The following TSC22D3 variants were observed in gnomAD, a reference collection of about 807,000 sequenced individuals.
The protein encoded by TSC22D3 is TSC22 domain family protein 3.
Under a neutral mutation model 11.1 loss-of-function variants are expected in TSC22D3, and 4 were observed. That is an observed-to-expected ratio of 0.36 (90% CI 0.18 to 0.83). TSC22D3 has a LOEUF of 0.83. Among genes scored for constraint, TSC22D3 ranks in the 40% least tolerant of loss-of-function variants. The pLI is 0.48. For missense variants in TSC22D3, 118 were observed against 159.4 expected (o/e 0.74, Z 1.40); for synonymous variants, 77 against 70.3 (o/e 1.10, Z -0.48).
intron 1 of TSC22D3, among the ~76,000 whole-genome samples, chrX:107,755,901 A>G (rs914170488): frequency 1.8e-5 from 2 of 111,971 alleles, no homozygotes; most frequent in East Asian, 5.6e-4. Context: ...CTATTTCCCC[A>G]TGTCTGCCAG....
At chrX:107,719,327 G>A (rs1022741599) in intron 1 of TSC22D3, among the ~76,000 whole-genome samples, 3 of 112,119 alleles carry the variant, frequency 2.7e-5, no homozygotes, top group African/African-American at 6.5e-5. Flanking sequence ...ATTTGTCTAC[G>A]GCCATACCAC....
intron 1 of TSC22D3, among the ~76,000 whole-genome samples, chrX:107,738,528 C>A (rs962223763): frequency 2.7e-5 from 3 of 113,017 alleles, no homozygotes; most frequent in Admixed American, 9.3e-5. Context: ...TCCTCTCTTG[C>A]CCTTTGTGCC....
intron 1 of TSC22D3, among the ~76,000 whole-genome samples, chrX:107,755,170 G>A (rs183247142): frequency 3.6e-5 from 4 of 112,624 alleles, no homozygotes; most frequent in Non-Finnish European, 5.6e-5. Flanking sequence ...AAGTAAGACC[G>A]ACAAGGGATG....
chrX:107,731,737 G>A (rs1389367410), intron 1 of TSC22D3, among the ~76,000 whole-genome samples: 5 of 110,730 alleles, frequency 4.5e-5, no homozygotes, highest in East Asian at 2.9e-4. Context: ...TCAGGCCCTC[G>A]TCCTCAGGAC....
intron 1 of TSC22D3, among the ~76,000 whole-genome samples, chrX:107,720,149 A>G (rs1221033660): frequency 9.2e-6 from 1 of 109,197 alleles, no homozygotes; most frequent in Non-Finnish European, 1.9e-5. Context: ...TCCAGCTTTT[A>G]GGAAAATGAG....
chrX:107,772,518 G>A (rs763008084), intron 1 of TSC22D3, among the ~76,000 whole-genome samples: 73 of 111,055 alleles, frequency 6.6e-4, no homozygotes, highest in Non-Finnish European at 1.2e-3. Flanking sequence ...AACCTAAACC[G>A]AATTCAGAAT....
At chrX:107,730,129 G>C (rs59987863) in intron 1 of TSC22D3, among the ~76,000 whole-genome samples, 2 of 112,228 alleles carry the variant, frequency 1.8e-5, no homozygotes, top group Admixed American at 1.9e-4. Flanking sequence ...TCTTGTCAAC[G>C]CTGTTAGGAG....
chrX:107,735,605 G>A (rs1928097492), intron 1 of TSC22D3, among the ~76,000 whole-genome samples: 1 of 110,567 alleles, frequency 9.0e-6, no homozygotes, highest in Non-Finnish European at 1.9e-5. Flanking sequence ...CTCCTCACTG[G>A]CATGCCCTCC....
intron 1 of TSC22D3, among the ~76,000 whole-genome samples, chrX:107,771,089 A>T (rs1382104130): frequency 8.9e-6 from 1 of 112,145 alleles, no homozygotes. Flanking sequence ...AAAGGTTCTG[A>T]GCTCACATTT....
At chrX:107,730,303 T>C in intron 1 of TSC22D3, among the ~76,000 whole-genome samples, 1 of 111,840 alleles carries the variant, frequency 8.9e-6, no homozygotes, top group East Asian at 2.8e-4. Context: ...GCTGGAGTTG[T>C]GCTTTGTTTT....
In TSC22D3 at chrX:107,713,936, G is replaced by A. The variant is rs955484309; in HGVS notation, c.*583C>T. On this transcript the variant is annotated 3_prime_UTR_variant, in exon 3 of 3. Transcript: ENST00000372383. ...ACTAACCAAACAGAACTTTGTAAGC[G>A]GTCATCCCAAAGCTGTAATCCCACA... 1.3e-4 allele frequency: 15 copies of A among 112,776 alleles called. No individual in the cohort carries two copies. The highest frequency in any genetic ancestry group is 3.9e-4 in the African/African-American group (12 of 30,775). The allele number at this position is 112,776 out of a possible 1,213,427, so 9.3% of individuals were successfully genotyped here. A position where few individuals can be genotyped will look rare whatever the true frequency, so the allele number is the denominator to read the frequency against.
chrX:107,762,846 CTTTT>C (rs1170456785), intron 1 of TSC22D3, among the ~76,000 whole-genome samples: 15 of 44,777 alleles, frequency 3.3e-4, no homozygotes, highest in African/African-American at 1.1e-3. Flanking sequence ...TGCACATGTA[CTTTT>C]TTTTTTTTTT....
intron 1 of TSC22D3, among the ~76,000 whole-genome samples, chrX:107,768,474 G>C (rs1268697416): frequency 8.9e-6 from 1 of 112,640 alleles, no homozygotes; most frequent in Non-Finnish European, 1.9e-5. Context: ...AGCATTATTT[G>C]CTGAGGTGTG....
At chrX:107,715,611 T>C (rs1007051405) in intron 2 of TSC22D3, among the ~76,000 whole-genome samples, 4 of 110,900 alleles carry the variant, frequency 3.6e-5, no homozygotes, top group African/African-American at 9.9e-5. Context: ...AATGCAAGAG[T>C]CTGAGCTCCC....
Position 107,713,382 on chromosome X carries a change from C to T in TSC22D3, c.*1137G>A. 1 of 112,468 alleles carries T rather than the reference C, an allele frequency of 8.9e-6. No individual in the cohort carries two copies. Among genetic ancestry groups the T allele is most frequent in the Non-Finnish European group, 1.9e-5 (1 of 53,230 alleles). The allele number at this position is 112,468 out of a possible 1,213,427, so 9.3% of individuals were successfully genotyped here. A position where few individuals can be genotyped will look rare whatever the true frequency, so the allele number is the denominator to read the frequency against. On this transcript the variant is annotated 3_prime_UTR_variant, in exon 3 of 3. Coordinates refer to ENST00000372383, the MANE Select transcript of TSC22D3 (RefSeq NM_198057.3). ...CAGACAAGCTTTCTGGGCACACCTC[C>T]CAGGCTCCATTGGATCAAAGCCATC...
intron 1 of TSC22D3, chrX:107,716,412 T>A (rs1260802539): frequency 1.1e-6 from 1 of 951,538 alleles, no homozygotes; most frequent in Non-Finnish European, 1.3e-6. Context: ...TGCCCAGCCC[T>A]GTCTGGTCCT....
intron 1 of TSC22D3, among the ~76,000 whole-genome samples, chrX:107,733,890 C>T (rs1380413680): frequency 8.9e-6 from 1 of 111,946 alleles, no homozygotes; most frequent in Non-Finnish European, 1.9e-5. Flanking sequence ...CTGCCTGCCC[C>T]ACCTCTAGGT....
intron 1 of TSC22D3, among the ~76,000 whole-genome samples, chrX:107,720,848 T>C (rs1161703650): frequency 1.8e-5 from 2 of 111,137 alleles, no homozygotes; most frequent in African/African-American, 6.6e-5. Flanking sequence ...CCACCCAGAA[T>C]AGCTATGCCA....
chrX:107,737,822 A>T (rs998874121), intron 1 of TSC22D3, among the ~76,000 whole-genome samples: 3 of 112,198 alleles, frequency 2.7e-5, no homozygotes, highest in Non-Finnish European at 5.6e-5. Flanking sequence ...AAACAGGGCC[A>T]GATCAATGGC....
Sources: allele counts gnomAD v4.1 joint callset (sites outside exome capture counted in the v4.1 genomes callset), GRCh38; gene constraint gnomAD v4.1.1; transcripts MANE v1.5; gene names NCBI Gene and HGNC (gene_info 2026-07-23, HGNC 2026-07-21).